Variants in AK5 observed in about 807,000 individuals in gnomAD.
AK5 encodes the protein adenylate kinase isoenzyme 5.
AK5 carries 27 observed loss-of-function variants against 69.5 expected under a neutral mutation model. The ratio of observed to expected loss-of-function variants is 0.39; its 90% CI spans 0.29 to 0.54. The LOEUF is 0.54. AK5 is among the 20% of genes least tolerant of loss of function. The pLI, the probability that AK5 is intolerant of heterozygous loss-of-function variation, is 0.71. For synonymous variants in AK5, 260 were observed against 244.4 expected, an observed-to-expected ratio of 1.06 and a Z score of -0.60; for missense variants, 531 against 700.4, an observed-to-expected ratio of 0.76 and a Z score of 2.73.
At chr1:77,487,725 C>G (rs1217805687) in intron 10 of AK5, among the ~76,000 whole-genome samples, 1 of 152,126 alleles carries the variant, frequency 6.6e-6, no homozygotes, top group Non-Finnish European at 1.5e-5. Flanking sequence ...GGGAGAGGAC[C>G]AGGGTCTCTG....
chr1:77,287,154 G>A, intron 2 of AK5, 27 bp downstream of exon 2: 1 of 1,430,476 alleles, frequency 7.0e-7, no homozygotes, highest in Admixed American at 2.4e-5. Flanking sequence ...ATAATAGACA[G>A]TTTTATAGTT....
chr1:77,516,996 G>T (rs1657685585), intron 10 of AK5, among the ~76,000 whole-genome samples: 1 of 151,698 alleles, frequency 6.6e-6, no homozygotes, highest in African/African-American at 2.4e-5. Flanking sequence ...ACTTGAACCT[G>T]GGGGGTGGAG....
intron 10 of AK5, among the ~76,000 whole-genome samples, chr1:77,497,217 C>T (rs949253468): frequency 9.9e-5 from 15 of 152,172 alleles, no homozygotes; most frequent in African/African-American, 3.1e-4. Context: ...ACGCTCACTG[C>T]GAAGGTCTGC....
intron 6 of AK5, among the ~76,000 whole-genome samples, chr1:77,348,969 G>A (rs1446885746): frequency 2.0e-5 from 3 of 152,002 alleles, no homozygotes; most frequent in African/African-American, 7.3e-5. Context: ...TCATGTTTAA[G>A]GCCAAACTAA....
chr1:77,556,119 A>G (rs978725447), intron 13 of AK5, among the ~76,000 whole-genome samples: 1 of 152,254 alleles, frequency 6.6e-6, no homozygotes, highest in Non-Finnish European at 1.5e-5. Flanking sequence ...TATATCATAC[A>G]TACAGGAATG....
At chr1:77,402,565 G>A (rs1409405818) in intron 6 of AK5, among the ~76,000 whole-genome samples, 4 of 150,256 alleles carry the variant, frequency 2.7e-5, no homozygotes, top group East Asian at 2.0e-4. Flanking sequence ...CTGTCCTTGC[G>A]ATAGTTTGCT....
intron 5 of AK5, among the ~76,000 whole-genome samples, chr1:77,333,550 C>T (rs1053364209): frequency 1.4e-5 from 2 of 148,002 alleles, no homozygotes; most frequent in Admixed American, 1.4e-4. Context: ...AATCTCCCCC[C>T]CACCATGCTA....
intron 13 of AK5, among the ~76,000 whole-genome samples, chr1:77,555,295 CAAAA>C (rs1660042983): frequency 6.6e-6 from 1 of 152,050 alleles, no homozygotes; most frequent in African/African-American, 2.4e-5. Context: ...AAAAAACAAA[CAAAA>C]AAACAATTCT....
At chr1:77,544,861 T>C (rs1260593058) in intron 13 of AK5, among the ~76,000 whole-genome samples, 5 of 152,216 alleles carry the variant, frequency 3.3e-5, no homozygotes, top group African/African-American at 4.8e-5. Context: ...CATAGTCATT[T>C]ATTGTCATTA....
At chr1:77,538,655 A>T (rs74090634) in intron 13 of AK5, among the ~76,000 whole-genome samples, 2,154 of 140,872 alleles carry the variant, frequency 0.015, 47 homozygotes, top group South Asian at 0.11. Flanking sequence ...CTCAAAAAAT[A>T]AAAAAAAAAA....
chr1:77,406,866 A>G (rs544094212), intron 6 of AK5, among the ~76,000 whole-genome samples: 2 of 152,292 alleles, frequency 1.3e-5, no homozygotes, highest in South Asian at 4.1e-4. Context: ...AGCCCTAAAC[A>G]CTGCTCTGAT....
intron 5 of AK5, among the ~76,000 whole-genome samples, chr1:77,331,603 A>G (rs975046253): frequency 2.6e-5 from 4 of 152,182 alleles, no homozygotes; most frequent in African/African-American, 9.6e-5. Flanking sequence ...CTTTTTATAT[A>G]TTGACAGATT....
chr1:77,305,437 A>G (rs1354205288), intron 5 of AK5, among the ~76,000 whole-genome samples: 1 of 152,106 alleles, frequency 6.6e-6, no homozygotes, highest in African/African-American at 2.4e-5. Context: ...GATTTCCCCC[A>G]GTGTTTTCTT....
intron 8 of AK5, among the ~76,000 whole-genome samples, chr1:77,459,639 C>T (rs1459431453): frequency 6.6e-6 from 1 of 152,164 alleles, no homozygotes; most frequent in East Asian, 1.9e-4. Context: ...GCCGATGGTC[C>T]AGGGACCACA....
At chr1:77,471,206 G>A (rs773925987) in intron 8 of AK5, among the ~76,000 whole-genome samples, 1 of 151,800 alleles carries the variant, frequency 6.6e-6, no homozygotes, top group Non-Finnish European at 1.5e-5. Context: ...TTTAAAGCTG[G>A]TGCCCAGGTT....
At chr1:77,329,006 T>C (rs1660952139) in intron 5 of AK5, among the ~76,000 whole-genome samples, 1 of 152,150 alleles carries the variant, frequency 6.6e-6, no homozygotes, top group Non-Finnish European at 1.5e-5. Context: ...GAACTCCCAC[T>C]GTAATGGTAT....
At chr1:77,294,106 A>T (rs1658848906) in intron 3 of AK5, 146 bp downstream of exon 3, 3 of 670,660 alleles carry the variant, frequency 4.5e-6, no homozygotes, top group Non-Finnish European at 7.2e-6. Context: ...AAATGGAAAT[A>T]TTCTTAGTAT....
At chr1:77,329,194 G>GA (rs11324649) in intron 5 of AK5, among the ~76,000 whole-genome samples, 10,707 of 112,478 alleles carry the variant, frequency 0.095, 547 homozygotes, top group East Asian at 0.18. Flanking sequence ...CTCCCTCAGT[G>GA]AAAAAAAAAA....
At chr1:77,477,201 A>G (rs1228924032) in intron 8 of AK5, among the ~76,000 whole-genome samples, 1 of 151,964 alleles carries the variant, frequency 6.6e-6, no homozygotes, top group African/African-American at 2.4e-5. Flanking sequence ...CTAATTTTTT[A>G]AATTTTTTGT....
Sources: allele counts gnomAD v4.1 joint callset (sites outside exome capture counted in the v4.1 genomes callset), GRCh38; gene constraint gnomAD v4.1.1; transcripts MANE v1.5; gene names NCBI Gene and HGNC (gene_info 2026-07-23, HGNC 2026-07-21).